Variants in TTBK2 observed in about 807,000 individuals in gnomAD.
The protein encoded by TTBK2 is tau tubulin kinase 2.
In TTBK2, 28 loss-of-function variants were observed where a neutral mutation model predicts 110.8. The ratio of observed to expected loss-of-function variants is 0.25; its 90% CI spans 0.19 to 0.35. The LOEUF is 0.35. Among genes scored for constraint, TTBK2 ranks in the 10% least tolerant of loss-of-function variants. TTBK2 has a pLI of 1.00. For synonymous variants in TTBK2, 532 were observed against 527.3 expected (o/e 1.01, Z -0.12); for missense variants, 1,369 against 1,500.3 (o/e 0.91, Z 1.45).
Position 42,775,351 on chromosome 15 carries a change from T to C in TTBK2, c.1782A>G (p.Gln594=), listed in dbSNP as rs1333167433. ...EVLQVLEASP[Q]DEKLQLGPWA... ...AAGGACCTAACTGGAGCTTTTCATC[T>C]TGAGGTGATGCCTCCAGGACTTGAA... is the stretch of plus-strand genomic sequence containing the variant. Residue 594 remains glutamine (Q), a synonymous_variant, in exon 13 of 15, where the codon CAA becomes CAG. Coordinates refer to ENST00000267890, the MANE Select transcript of TTBK2 (RefSeq NM_173500.4). 6.2e-7 allele frequency: 1 copy of C among 1,614,262 alleles called. No individual in the cohort carries two copies.
chr15:42,871,106 T>C (rs1454310816), intron 3 of TTBK2, among the ~76,000 whole-genome samples: 1 of 152,094 alleles, frequency 6.6e-6, no homozygotes, highest in African/African-American at 2.4e-5. Context: ...GGAATAAGTA[T>C]GCAGAAGGCA....
chr15:42,908,647 T>TG (rs1313980429), intron 1 of TTBK2, among the ~76,000 whole-genome samples: 1 of 152,242 alleles, frequency 6.6e-6, no homozygotes, highest in African/African-American at 2.4e-5. Flanking sequence ...TGCTTGTTGT[T>TG]GCTTGCTAAT....
rs536520411 is a variant in TTBK2, at chr15:42,742,417, T to C, written c.*3378A>G. 5.9e-5 allele frequency: 9 copies of C among 152,372 alleles called. No homozygotes were observed. The highest frequency in any genetic ancestry group is 1.9e-4 in the African/African-American group (8 of 41,604). 9.4% of individuals were successfully genotyped at this position (152,372 alleles called of 1,614,324 possible). A position where few individuals can be genotyped will look rare whatever the true frequency, so the allele number is the denominator to read the frequency against. Reference sequence around the variant, plus strand: ...TAATCTGTGTTTTAAGGTTAAATTTTATATGACCCAGTTTTCCTTCTTTGT... The same window carrying C: ...TAATCTGTGTTTTAAGGTTAAATTTCATATGACCCAGTTTTCCTTCTTTGT... On this transcript the variant is annotated 3_prime_UTR_variant, in exon 15 of 15. Coordinates refer to ENST00000267890, the MANE Select transcript of TTBK2 (RefSeq NM_173500.4).
At chr15:42,885,149 G>A (rs559588115) in intron 1 of TTBK2, among the ~76,000 whole-genome samples, 12 of 152,130 alleles carry the variant, frequency 7.9e-5, no homozygotes, top group Non-Finnish European at 1.2e-4. Context: ...TCACACAAAG[G>A]CTGTTTGGTG....
chr15:42,894,724 A>G (rs948805477), intron 1 of TTBK2, among the ~76,000 whole-genome samples: 1 of 152,216 alleles, frequency 6.6e-6, no homozygotes, highest in African/African-American at 2.4e-5. Flanking sequence ...ACTGCACTCC[A>G]GGCTGGGCAG....
chr15:42,814,583 G>T (rs1001905543), intron 7 of TTBK2, among the ~76,000 whole-genome samples: 7 of 152,046 alleles, frequency 4.6e-5, no homozygotes, highest in African/African-American at 1.7e-4. Flanking sequence ...TCTCTAAAAA[G>T]TAAAGTTTAA....
At chr15:42,815,856 C>A (rs1344971313) in intron 7 of TTBK2, among the ~76,000 whole-genome samples, 2 of 124,420 alleles carry the variant, frequency 1.6e-5, no homozygotes, top group Admixed American at 1.8e-4. Context: ...AATTCTCTCT[C>A]TCTATATATA....
At chr15:42,838,840 A>C (rs1289201713) in intron 4 of TTBK2, among the ~76,000 whole-genome samples, 1 of 152,098 alleles carries the variant, frequency 6.6e-6, no homozygotes, top group Admixed American at 6.5e-5. Context: ...CAGGGAACAG[A>C]GTTATGTTAC....
chr15:42,891,172 CTTTT>C (rs758372860), intron 1 of TTBK2, among the ~76,000 whole-genome samples: 3 of 125,744 alleles, frequency 2.4e-5, no homozygotes, highest in African/African-American at 9.1e-5. Flanking sequence ...CCATGCCCGA[CTTTT>C]TTTTTTTTTT....
intron 13 of TTBK2, among the ~76,000 whole-genome samples, chr15:42,754,404 A>AT (rs1461932777): frequency 1.3e-5 from 2 of 150,188 alleles, no homozygotes; most frequent in African/African-American, 2.4e-5. Context: ...ATTTTATTTT[A>AT]TTTTTTTATG....
intron 13 of TTBK2, among the ~76,000 whole-genome samples, chr15:42,763,143 CATATATATATATACATATATATAT>C (rs1357117156): frequency 4.5e-4 from 23 of 51,166 alleles, no homozygotes; most frequent in East Asian, 3.1e-3. Flanking sequence ...TATATACATA[CATATATATATATACATATATATAT>C]ATATATATAT....
intron 4 of TTBK2, among the ~76,000 whole-genome samples, chr15:42,834,195 A>AGGGG (rs1187116010): frequency 3.4e-4 from 41 of 119,218 alleles, no homozygotes; most frequent in African/African-American, 1.6e-3. Context: ...AAAAAAAAAA[A>AGGGG]AGGGGGGGGG....
chr15:42,864,449 T>G (rs532560870), intron 3 of TTBK2, among the ~76,000 whole-genome samples: 4 of 152,022 alleles, frequency 2.6e-5, no homozygotes, highest in African/African-American at 9.7e-5. Context: ...CCAGGCATGG[T>G]GGCACATGCC....
intron 6 of TTBK2, among the ~76,000 whole-genome samples, chr15:42,826,071 G>A (rs984341010): frequency 6.6e-6 from 1 of 152,000 alleles, no homozygotes; most frequent in Non-Finnish European, 1.5e-5. Context: ...GATTTCTGCA[G>A]ATAACATGAC....
At chr15:42,874,990 A>G (rs1426530263) in intron 2 of TTBK2, among the ~76,000 whole-genome samples, 2 of 151,952 alleles carry the variant, frequency 1.3e-5, no homozygotes, top group Non-Finnish European at 2.9e-5. Flanking sequence ...CCTCAAAAAA[A>G]AAAAAAAATT....
chr15:42,758,524 A>G (rs1322861241), intron 13 of TTBK2, among the ~76,000 whole-genome samples: 1 of 151,878 alleles, frequency 6.6e-6, no homozygotes, highest in African/African-American at 2.4e-5. Context: ...GCATGGTGGC[A>G]CATGCCTGTA....
intron 9 of TTBK2, among the ~76,000 whole-genome samples, chr15:42,808,838 G>C (rs372967353): frequency 6.6e-6 from 1 of 152,150 alleles, no homozygotes; most frequent in Non-Finnish European, 1.5e-5. Context: ...CTGACAGACC[G>C]AGACCCCGTC....
chr15:42,808,651 T>C (rs1172944817), intron 9 of TTBK2, among the ~76,000 whole-genome samples: 1 of 151,860 alleles, frequency 6.6e-6, no homozygotes. Flanking sequence ...GTTTGAGACC[T>C]GCTTGGGCAA....
chr15:42,823,905 C>T (rs1892418810), intron 6 of TTBK2, among the ~76,000 whole-genome samples: 1 of 152,106 alleles, frequency 6.6e-6, no homozygotes, highest in Admixed American at 6.6e-5. Context: ...GTTTGGTTCG[C>T]AGTTCTGCAT....
Sources: gnomAD v4.1 joint callset for allele counts (sites outside exome capture counted in the v4.1 genomes callset) on GRCh38, gnomAD v4.1.1 for gene constraint, MANE v1.5 for transcripts, NCBI Gene and HGNC (gene_info 2026-07-23, HGNC 2026-07-21) for gene names.